IGFBPL1: variants seen among roughly 807,000 people sequenced by gnomAD.
IGFBPL1 encodes insulin-like growth factor-binding protein-like 1.
Under a neutral mutation model 23.9 loss-of-function variants are expected in IGFBPL1, and 20 were observed. The observed-to-expected ratio is 0.84, with a 90% CI of 0.59 to 1.22. The LOEUF (loss-of-function observed/expected upper bound fraction) is 1.22, where lower values mean the gene tolerates loss of function less well. Ranked by LOEUF, IGFBPL1 falls within the 50% of genes most tolerant of loss-of-function variation. IGFBPL1 has a pLI of 0.00. For synonymous variants in IGFBPL1, 184 were observed against 171.8 expected, an observed-to-expected ratio of 1.07 and a Z score of -0.56; for missense variants, 436 against 379.3, an observed-to-expected ratio of 1.15 and a Z score of -1.24.
chr9:38,417,595 A>C (rs1045118524), intron 1 of IGFBPL1, among the ~76,000 whole-genome samples: 25 of 152,154 alleles, frequency 1.6e-4, no homozygotes, highest in African/African-American at 5.3e-4. Context: ...TCCTAGGAGG[A>C]CTAGGAGGAC....
At chr9:38,418,716 A>T (rs1283029373) in intron 1 of IGFBPL1, among the ~76,000 whole-genome samples, 1 of 152,132 alleles carries the variant, frequency 6.6e-6, no homozygotes, top group Non-Finnish European at 1.5e-5. Flanking sequence ...TCATCCCCCT[A>T]TAGCTCTTCC....
intron 4 of IGFBPL1, among the ~76,000 whole-genome samples, chr9:38,409,535 C>T (rs557517512): frequency 1.3e-5 from 2 of 152,310 alleles, no homozygotes; most frequent in African/African-American, 2.4e-5. Context: ...CTGTGTGTCA[C>T]AGAAGGAACT....
intron 1 of IGFBPL1, among the ~76,000 whole-genome samples, chr9:38,417,955 GAACCCCCC>G (rs1821623163): frequency 6.6e-6 from 1 of 152,096 alleles, no homozygotes; most frequent in African/African-American, 2.4e-5. Flanking sequence ...GAGAAGAGTG[GAACCCCCC>G]TGAAATCTAA....
At chr9:38,420,156 G>A (rs933636111) in intron 1 of IGFBPL1, among the ~76,000 whole-genome samples, 6 of 152,164 alleles carry the variant, frequency 3.9e-5, no homozygotes, top group Admixed American at 3.3e-4. Flanking sequence ...CTCCCAAAGT[G>A]CAGAATGAAG....
At chr9:38,416,066 AT>A (rs1280913607) in intron 1 of IGFBPL1, among the ~76,000 whole-genome samples, 1 of 152,176 alleles carries the variant, frequency 6.6e-6, no homozygotes, top group African/African-American at 2.4e-5. Context: ...CCCATCTGTG[AT>A]GACAAAGACA....
chr9:38,422,122 A>G (rs948387236), intron 1 of IGFBPL1, among the ~76,000 whole-genome samples: 1 of 152,168 alleles, frequency 6.6e-6, no homozygotes, highest in African/African-American at 2.4e-5. Context: ...CATGGTAACC[A>G]CCATCTGCCT....
intron 1 of IGFBPL1, among the ~76,000 whole-genome samples, chr9:38,418,041 C>T (rs1250270289): frequency 6.6e-6 from 1 of 152,204 alleles, no homozygotes; most frequent in African/African-American, 2.4e-5. Context: ...CGCAGGCCTG[C>T]CGTGTTAGCT....
chr9:38,423,965 C>A lies in IGFBPL1; in HGVS notation c.460G>T (p.Ala154Ser). The change falls in exon 1 of 5, where the codon GCT becomes TCT. Residue 154 changes from alanine (A) to serine (S), a missense_variant and splice_region_variant. Transcript: ENST00000377694. Reference protein sequence around the residue: ...HKARDGPCEFAPVVVVPPRSV... With the variant: ...HKARDGPCEFSPVVVVPPRSV... ...CACCCAATCCCCGACCCTGACTCAC[C>A]GAACTCGCAAGGGCCGTCGCGCGCC... 1 of 1,390,164 alleles carries A rather than the reference C, an allele frequency of 7.2e-7. No individual in the cohort carries two copies. The highest frequency in any genetic ancestry group is 9.3e-7 in the Non-Finnish European group (1 of 1,079,386). The allele number at this position is 1,390,164 out of a possible 1,614,324, so 86.1% of individuals were successfully genotyped here. A position where few individuals can be genotyped will look rare whatever the true frequency, so the allele number is the denominator to read the frequency against.
At position 38,408,786 on chromosome 9, in the gene IGFBPL1, T is replaced by C. The variant is rs7869227; in HGVS notation, c.*441A>G. Among the ~76,000 whole-genome samples, 104,816 of 151,990 alleles carry C rather than the reference T, an allele frequency of 0.69. 36,262 individuals are homozygous for C. The highest frequency in any genetic ancestry group is 0.76 in the Middle Eastern group (223 of 294). ...ACCAGGGCCCAGAGAGGGGAAGGGA[T>C]CTGTTCAGGTCACACAGCAAGTTAC... On this transcript the variant is annotated 3_prime_UTR_variant, in exon 5 of 5. Coordinates refer to ENST00000377694, the MANE Select transcript of IGFBPL1 (RefSeq NM_001007563.3).
rs116536007 is a variant in IGFBPL1, at chr9:38,422,891, G to C, written c.460+1074C>G. Among the ~76,000 whole-genome samples, 538 of 152,156 alleles carry C rather than the reference G, an allele frequency of 3.5e-3. 1 individual carries two copies. Among genetic ancestry groups the C allele is most frequent in the African/African-American group, 0.012 (483 of 41,492 alleles). On this transcript the variant is annotated intron_variant, in intron 1 of 4. Transcript: ENST00000377694. ...TTGGAAAGGTCTCACCCCACCCCAG[G>C]CTTCTTTCTTGAAGCTAAGTCATTA...
At chr9:38,418,843 G>A (rs557591073) in intron 1 of IGFBPL1, among the ~76,000 whole-genome samples, 3 of 152,258 alleles carry the variant, frequency 2.0e-5, no homozygotes. Flanking sequence ...ATGGTCACAG[G>A]AGGCAGTACT....
At position 38,406,715 on chromosome 9, in the gene IGFBPL1, A is replaced by T. The variant is rs1821435835; in HGVS notation, c.*2512T>A. Among the ~76,000 whole-genome samples the T allele has an allele frequency of 6.6e-6, 1 of 152,170 alleles. No homozygotes were observed. The highest frequency in any genetic ancestry group is 1.5e-5 in the Non-Finnish European group (1 of 68,028). The stretch of plus-strand genomic sequence containing the variant: ...AGAGGTCTCTGGGCGCTCACACTTG[A>T]AAAACCATGAGGTTGGAACAATCAT... On this transcript the variant is annotated 3_prime_UTR_variant, in exon 5 of 5. Transcript: ENST00000377694.
At position 38,424,176 on chromosome 9, in the gene IGFBPL1, C is replaced by A. The variant is rs1821725902; in HGVS notation, c.249G>T (p.Gly83=). Residue 83 remains glycine (G), a synonymous_variant, in exon 1 of 5, where the codon GGG becomes GGT. Transcript: ENST00000377694. Reference sequence around the variant, plus strand: ...CGCATACCAGGCCGGGGCCACAGCGCCCGCCGGCGCGGCCCCCGCAGCTCG... The same window carrying A: ...CGCATACCAGGCCGGGGCCACAGCGACCGCCGGCGCGGCCCCCGCAGCTCG... ...EGASCGGRAG[G]RCGPGLVCAS... 1 of 1,166,356 alleles carries A rather than the reference C, an allele frequency of 8.6e-7. No individual in the cohort carries two copies. The highest frequency in any genetic ancestry group is 1.1e-6 in the Non-Finnish European group (1 of 947,354). The allele number at this position is 1,166,356 out of a possible 1,614,324, so 72.3% of individuals were successfully genotyped here.
chr9:38,415,945 G>A (rs1290718850), intron 1 of IGFBPL1, among the ~76,000 whole-genome samples: 1 of 152,130 alleles, frequency 6.6e-6, no homozygotes, highest in Non-Finnish European at 1.5e-5. Flanking sequence ...GAAGGGTGGT[G>A]CCCAACCCAT....
chr9:38,417,066 A>G (rs1310904233), intron 1 of IGFBPL1, among the ~76,000 whole-genome samples: 1 of 152,162 alleles, frequency 6.6e-6, no homozygotes, highest in African/African-American at 2.4e-5. Flanking sequence ...ATAATCAATA[A>G]TAATAACACT....
chr9:38,422,334 A>C (rs74452484), intron 1 of IGFBPL1, among the ~76,000 whole-genome samples: 1,523 of 152,272 alleles, frequency 0.01, 25 homozygotes, highest in African/African-American at 0.034. Flanking sequence ...TCTGGGGAGA[A>C]ATTATCTGAG....
intron 1 of IGFBPL1, among the ~76,000 whole-genome samples, chr9:38,421,350 G>T (rs1821674461): frequency 6.6e-6 from 1 of 151,104 alleles, no homozygotes; most frequent in Non-Finnish European, 1.5e-5. Flanking sequence ...TCATATGTGA[G>T]TCTTCCATAC....
intron 2 of IGFBPL1, 146 bp downstream of exon 2, chr9:38,413,948 T>G: frequency 1.6e-6 from 1 of 616,816 alleles, no homozygotes. Flanking sequence ...TTCTTCATCC[T>G]CTGGCCCACC....
At position 38,408,929 on chromosome 9, in the gene IGFBPL1, C is replaced by T. The variant is rs540062771; in HGVS notation, c.*298G>A. The T allele has an allele frequency of 6.6e-6, 1 of 152,314 alleles. No homozygotes were observed. The highest frequency in any genetic ancestry group is 1.9e-4 in the East Asian group (1 of 5,186). The allele number at this position is 152,314 out of a possible 1,614,324, so 9.4% of individuals were successfully genotyped here. On this transcript the variant is annotated 3_prime_UTR_variant, in exon 5 of 5. Coordinates refer to ENST00000377694, the MANE Select transcript of IGFBPL1 (RefSeq NM_001007563.3). ...TAAAGAGTCACAGCTGACACGAGCCCTTTCGAAATTGCAAACATGCCGTTC... is the reference window on the plus strand; with the variant it reads ...TAAAGAGTCACAGCTGACACGAGCCTTTTCGAAATTGCAAACATGCCGTTC...
Sources: allele counts gnomAD v4.1 joint callset (sites outside exome capture counted in the v4.1 genomes callset), GRCh38; gene constraint gnomAD v4.1.1; transcripts MANE v1.5; gene names NCBI Gene and HGNC (gene_info 2026-07-23, HGNC 2026-07-21).